Variants in DDX6 observed in about 807,000 individuals in gnomAD.
DDX6 encodes the protein DEAD-box helicase 6.
In DDX6, 7 loss-of-function variants were observed where a neutral mutation model predicts 60.6. That is an observed-to-expected ratio of 0.12 (90% CI 0.07 to 0.22). The LOEUF (loss-of-function observed/expected upper bound fraction) is 0.22, where lower values mean the gene tolerates loss of function less well. DDX6 is among the 10% of genes least tolerant of loss of function. The pLI, the probability that DDX6 is intolerant of heterozygous loss-of-function variation, is 1.00. For synonymous variants in DDX6, 207 were observed against 201.0 expected, an observed-to-expected ratio of 1.03 and a Z score of -0.25; for missense variants, 270 against 589.9, an observed-to-expected ratio of 0.46 and a Z score of 5.62.
At chr11:118,786,642 T>TA (rs1340537323) in intron 1 of DDX6, 124 bp from the exon 2 acceptor site, 1 of 179,262 alleles carries the variant, frequency 5.6e-6, no homozygotes, top group African/African-American at 2.4e-5. Context: ...CAGCTACACT[T>TA]AGACCAAATC....
intron 2 of DDX6, among the ~76,000 whole-genome samples, chr11:118,781,466 G>A (rs1204858859): frequency 6.6e-6 from 1 of 152,118 alleles, no homozygotes; most frequent in Non-Finnish European, 1.5e-5. Context: ...GACCTACACA[G>A]CATGTGTTTT....
chr11:118,764,151 CAA>C (rs1861269951), intron 6 of DDX6, among the ~76,000 whole-genome samples: 1 of 152,028 alleles, frequency 6.6e-6, no homozygotes, highest in Non-Finnish European at 1.5e-5. Context: ...AAGGATCAAA[CAA>C]GATAATTTTT....
chr11:118,778,489 C>T (rs1555164046), intron 4 of DDX6, among the ~76,000 whole-genome samples: 2 of 152,162 alleles, frequency 1.3e-5, no homozygotes, highest in African/African-American at 4.8e-5. Context: ...TGGTTGAAAA[C>T]AATACGCTAA....
rs1860727778 is a variant in DDX6 at position 118,750,672 on chromosome 11, G to A, written c.*1433C>T. 1 of 152,132 alleles carries A rather than the reference G, an allele frequency of 6.6e-6. No homozygotes were observed. Among genetic ancestry groups the A allele is most frequent in the East Asian group, 1.9e-4 (1 of 5,194 alleles). The allele number at this position is 152,132 out of a possible 1,614,324, so 9.4% of individuals were successfully genotyped here. ...TGCTCAATGACACTGCCACTCAATA[G>A]AATTCCTACACTGCAAGGTAGATTA... is the stretch of plus-strand genomic sequence containing the variant. On this transcript the variant is annotated 3_prime_UTR_variant, in exon 14 of 14. Transcript: ENST00000534980.
At chr11:118,782,112 C>T (rs1484195604) in intron 2 of DDX6, among the ~76,000 whole-genome samples, 1 of 152,174 alleles carries the variant, frequency 6.6e-6, no homozygotes, top group Non-Finnish European at 1.5e-5. Context: ...ACTCAAGAGG[C>T]TGAGGCAGGA....
intron 4 of DDX6, among the ~76,000 whole-genome samples, chr11:118,778,357 T>C (rs147606286): frequency 2.4e-4 from 37 of 152,344 alleles, no homozygotes; most frequent in African/African-American, 8.9e-4. Context: ...TCAGCACTAC[T>C]GACATTTTGG....
chr11:118,787,878 T>C (rs1226950984), intron 1 of DDX6: 1 of 151,914 alleles, frequency 6.6e-6, no homozygotes, highest in Non-Finnish European at 1.5e-5. Context: ...CTAATAACTA[T>C]TCTAATTTTA....
chr11:118,789,387 C>T (rs1483767199), intron 1 of DDX6: 1 of 152,118 alleles, frequency 6.6e-6, no homozygotes, highest in East Asian at 1.9e-4. Flanking sequence ...AACCCCGTTA[C>T]ATTTCTTATA....
chr11:118,764,151 CAAGAT>C (rs1349163147), intron 6 of DDX6, among the ~76,000 whole-genome samples: 2 of 152,028 alleles, frequency 1.3e-5, no homozygotes, highest in African/African-American at 4.8e-5. Context: ...AAGGATCAAA[CAAGAT>C]AATTTTTTAA....
intron 1 of DDX6, chr11:118,787,125 C>G (rs890253560): frequency 2.0e-5 from 3 of 152,080 alleles, no homozygotes; most frequent in South Asian, 2.1e-4. Flanking sequence ...CTCTTGAGGT[C>G]AGGAGTTAGA....
rs879966136 is a variant in DDX6, at chr11:118,750,635, T to TTA, written c.*1468_*1469dup. The TTA allele has an allele frequency of 1.3e-5, 2 of 152,158 alleles. No individual in the cohort carries two copies. The highest frequency in any genetic ancestry group is 2.9e-5 in the Non-Finnish European group (2 of 68,034). 9.4% of individuals were successfully genotyped at this position (152,158 alleles called of 1,614,324 possible). ...ATATTCTGAAATGCAAATCTGTGCT[T>TTA]TATATATATACTGCTCAATGACACT... On this transcript the variant is annotated 3_prime_UTR_variant, in exon 14 of 14. Coordinates refer to ENST00000534980, the MANE Select transcript of DDX6 (RefSeq NM_004397.6).
intron 7 of DDX6, among the ~76,000 whole-genome samples, chr11:118,760,932 G>C (rs1463617655): frequency 1.3e-5 from 2 of 152,100 alleles, no homozygotes; most frequent in Non-Finnish European, 2.9e-5. Flanking sequence ...CTGAGGTCAG[G>C]AGTTCAAGAC....
chr11:118,786,252 G>A lies in DDX6; in HGVS notation c.-1C>T. 6.3e-7 allele frequency: 1 copy of A among 1,594,878 alleles called. No homozygotes were observed. Among genetic ancestry groups the A allele is most frequent in the Non-Finnish European group, 8.5e-7 (1 of 1,170,626 alleles). ...GGTTCTCTGTTCTGGCCGTGCTCAT[G>A]CTGTTTTAATTGCAAAGGTCTTTCA... On this transcript the variant is annotated 5_prime_UTR_variant, in exon 2 of 14. Coordinates refer to ENST00000534980, the MANE Select transcript of DDX6 (RefSeq NM_004397.6).
intron 6 of DDX6, among the ~76,000 whole-genome samples, chr11:118,764,817 A>T (rs1471856834): frequency 1.4e-3 from 28 of 20,370 alleles, no homozygotes; most frequent in Admixed American, 2.6e-3. Context: ...AAAAAAAAAA[A>T]ATATACACAC....
At chr11:118,784,107 A>G (rs2508917) in intron 2 of DDX6, among the ~76,000 whole-genome samples, 1 of 149,104 alleles carries the variant, frequency 6.7e-6, no homozygotes, top group Non-Finnish European at 1.5e-5. Context: ...AAAAAAAGTT[A>G]TAAAAAAAAT....
At chr11:118,772,595 TAAAAA>T (rs782547877) in intron 4 of DDX6, among the ~76,000 whole-genome samples, 1 of 152,140 alleles carries the variant, frequency 6.6e-6, no homozygotes, top group Non-Finnish European at 1.5e-5. Flanking sequence ...CTAAATGCAC[TAAAAA>T]GCATTAAATT....
chr11:118,786,010 GT>G (rs748628876), intron 2 of DDX6, 41 bp downstream of exon 2: 1 of 1,566,588 alleles, frequency 6.4e-7, no homozygotes, highest in East Asian at 2.3e-5. Context: ...ACAAATCTTG[GT>G]TCCCCACAAG....
intron 1 of DDX6, chr11:118,787,792 T>C (rs1862126561): frequency 6.6e-6 from 1 of 152,190 alleles, no homozygotes; most frequent in South Asian, 2.1e-4. Flanking sequence ...ACAAATTTTG[T>C]ATAAATGAAT....
chr11:118,789,175 A>C (rs1484297792), intron 1 of DDX6: 13 of 149,754 alleles, frequency 8.7e-5, no homozygotes, highest in African/African-American at 3.2e-4. Flanking sequence ...TCCTGGGTTC[A>C]AGCGATTCCC....
Sources: allele counts gnomAD v4.1 joint callset (sites outside exome capture counted in the v4.1 genomes callset), GRCh38; gene constraint gnomAD v4.1.1; transcripts MANE v1.5; gene names NCBI Gene and HGNC (gene_info 2026-07-23, HGNC 2026-07-21).